The following RALGAPA2 variants were observed in gnomAD, a reference collection of about 807,000 sequenced individuals.
The protein encoded by RALGAPA2 is Ral GTPase activating protein catalytic subunit alpha 2, also known as ral GTPase-activating protein subunit alpha-2.
Under a neutral mutation model 230.4 loss-of-function variants are expected in RALGAPA2, and 139 were observed. That is an observed-to-expected ratio of 0.60 (90% CI 0.53 to 0.69). The LOEUF (loss-of-function observed/expected upper bound fraction) is 0.69. Ranked by LOEUF, RALGAPA2 falls within the 30% of genes least tolerant of loss-of-function variation. RALGAPA2 has a pLI of 0.00. For synonymous variants in RALGAPA2, 847 were observed against 837.8 expected (o/e 1.01, Z -0.19); for missense variants, 2,163 against 2,276.0 (o/e 0.95, Z 1.01).
At chr20:20,692,061 A>G (rs1388958856) in intron 1 of RALGAPA2, among the ~76,000 whole-genome samples, 17 of 152,116 alleles carry the variant, frequency 1.1e-4, no homozygotes, top group Admixed American at 1.1e-3. Context: ...GAAGCTTCCT[A>G]AGGCCCTCAA....
intron 1 of RALGAPA2, among the ~76,000 whole-genome samples, chr20:20,707,670 G>T (rs377006753): frequency 5.9e-5 from 9 of 152,112 alleles, no homozygotes; most frequent in African/African-American, 1.9e-4. Context: ...GCATTTGTGA[G>T]AGACGGTTCT....
intron 12 of RALGAPA2, among the ~76,000 whole-genome samples, chr20:20,618,944 C>G (rs2146335897): frequency 6.6e-6 from 1 of 152,180 alleles, no homozygotes; most frequent in South Asian, 2.1e-4. Flanking sequence ...AATTAGAGCC[C>G]AGATAACTTA....
chr20:20,608,692 G>A (rs535036206), intron 14 of RALGAPA2, among the ~76,000 whole-genome samples: 74 of 152,314 alleles, frequency 4.9e-4, no homozygotes, highest in African/African-American at 1.7e-3. Flanking sequence ...CCAAGATGAT[G>A]CCCAATAGAG....
Position 20,555,188 on chromosome 20 carries a change from C to T in RALGAPA2, c.3157-8356G>A, listed in dbSNP as rs560499251. Among the ~76,000 whole-genome samples the T allele has an allele frequency of 5.9e-5, 9 of 152,256 alleles. No homozygotes were observed. In the East Asian group the frequency reaches 9.7e-4, roughly 16 times the overall value. On this transcript the variant is annotated intron_variant, in intron 23 of 39. Transcript: ENST00000202677. The stretch of plus-strand genomic sequence containing the variant: ...ACCTGTTGAATTGACTATTCTTTTC[C>T]GACTGAATTGTCTTTGCACCCTTGT...
chr20:20,629,558 C>G lies in RALGAPA2; in HGVS notation c.1038G>C (p.Ala346=), dbSNP rs374451382. The G allele has an allele frequency of 6.2e-7, 1 of 1,613,608 alleles. No homozygotes were observed. The highest frequency in any genetic ancestry group is 1.1e-5 in the South Asian group (1 of 91,052). Residue 346 remains alanine, a synonymous_variant, in exon 10 of 40, where the codon GCG becomes GCC. Transcript: ENST00000202677. ...TGGGCCCACCACCATCCAGCTCAGG[C>G]GCTCTCTCCTGCACAGCACCACCAC... ...TVGGGAVQER[A]PELDGGGPTE... is the part of the protein sequence containing the mutation.
chr20:20,606,017 C>T (rs916311649), intron 14 of RALGAPA2, among the ~76,000 whole-genome samples: 1 of 152,084 alleles, frequency 6.6e-6, no homozygotes, highest in African/African-American at 2.4e-5. Context: ...CTCTTAACCA[C>T]CCCTCTCCTT....
chr20:20,504,848 A>G (rs999471438), intron 34 of RALGAPA2: 1 of 342,748 alleles, frequency 2.9e-6, no homozygotes, highest in African/African-American at 2.3e-5. Context: ...TTTTTTGGGG[A>G]AAGGTGTGTA....
At chr20:20,591,420 CA>C in intron 16 of RALGAPA2, 106 bp from the exon 17 acceptor site, 1 of 1,287,194 alleles carries the variant, frequency 7.8e-7, no homozygotes, top group Non-Finnish European at 1.1e-6. Context: ...ATGCTTTTCA[CA>C]AATAATTTAT....
At chr20:20,691,341 C>A (rs925180836) in intron 1 of RALGAPA2, among the ~76,000 whole-genome samples, 1 of 152,124 alleles carries the variant, frequency 6.6e-6, no homozygotes, top group Non-Finnish European at 1.5e-5. Context: ...TCCTTCAACC[C>A]CTCTGCCTCT....
chr20:20,570,622 C>T (rs868055859), intron 23 of RALGAPA2, among the ~76,000 whole-genome samples: 4 of 152,086 alleles, frequency 2.6e-5, no homozygotes, highest in Non-Finnish European at 2.9e-5. Flanking sequence ...CCAATGCTAC[C>T]GGCTTAGTTC....
chr20:20,503,913 G>T (rs1178973614), intron 34 of RALGAPA2, among the ~76,000 whole-genome samples: 1 of 152,082 alleles, frequency 6.6e-6, no homozygotes, highest in Non-Finnish European at 1.5e-5. Flanking sequence ...GGGTCAAAAG[G>T]TACCAATATT....
At chr20:20,550,255 C>T (rs1168088810) in intron 23 of RALGAPA2, among the ~76,000 whole-genome samples, 6 of 152,202 alleles carry the variant, frequency 3.9e-5, no homozygotes, top group South Asian at 2.1e-4. Flanking sequence ...TTTCCATTCC[C>T]GAGTTACTTC....
chr20:20,584,419 G>A (rs2065073240), intron 19 of RALGAPA2, among the ~76,000 whole-genome samples: 1 of 152,164 alleles, frequency 6.6e-6, no homozygotes, highest in African/African-American at 2.4e-5. Context: ...AGGTACGGGT[G>A]AGTAGAACTG....
chr20:20,456,200 T>C (rs2061114915), intron 37 of RALGAPA2, among the ~76,000 whole-genome samples: 1 of 152,244 alleles, frequency 6.6e-6, no homozygotes, highest in Non-Finnish European at 1.5e-5. Flanking sequence ...GAGTCTACTT[T>C]CCCCTAATTA....
intron 36 of RALGAPA2, among the ~76,000 whole-genome samples, chr20:20,484,690 A>G (rs2061862903): frequency 6.6e-6 from 1 of 152,230 alleles, no homozygotes; most frequent in African/African-American, 2.4e-5. Context: ...AATAATATAC[A>G]TAATAGATAT....
Position 20,629,535 on chromosome 20 carries a change from G to A in RALGAPA2, c.1061C>T (p.Pro354Leu). ...ERAPELDGGGPTEQDKSHSNS... is the reference protein window; with the variant it reads ...ERAPELDGGGLTEQDKSHSNS... ...AGAATGGCTTTTGTCCTGCTCCGTG[G>A]GCCCACCACCATCCAGCTCAGGCGC... The change falls in exon 10 of 40, where the codon CCC becomes CTC. Residue 354 changes from proline to leucine, a missense_variant. Pro to Leu is a moderately conservative substitution (Grantham distance 98, BLOSUM62 -3). Transcript: ENST00000202677. 1 of 1,613,788 alleles carries A rather than the reference G, an allele frequency of 6.2e-7. No homozygotes were observed. Among genetic ancestry groups the A allele is most frequent in the South Asian group, 1.1e-5 (1 of 91,054 alleles).
In RALGAPA2 at chr20:20,520,899, A is replaced by T; in HGVS notation, c.4084+18T>A. 2 of 1,538,194 alleles carry T rather than the reference A, an allele frequency of 1.3e-6. No homozygotes were observed. The highest frequency in any genetic ancestry group is 1.8e-6 in the Non-Finnish European group (2 of 1,128,266). On this transcript the variant is annotated intron_variant, in intron 31 of 39. Coordinates refer to ENST00000202677, the MANE Select transcript of RALGAPA2 (RefSeq NM_020343.4). Reference sequence around the variant, plus strand: ...CCTTTTCCTTCCCACAAGATTTCATACCTGAAAGAATACTCACCCTCTTCA... The same window carrying T: ...CCTTTTCCTTCCCACAAGATTTCATTCCTGAAAGAATACTCACCCTCTTCA...
chr20:20,401,902 G>C, intron 38 of RALGAPA2, among the ~76,000 whole-genome samples: 1 of 152,340 alleles, frequency 6.6e-6, no homozygotes, highest in East Asian at 1.9e-4. Flanking sequence ...CCGTGCCAAA[G>C]TGGCATGGTC....
At chr20:20,534,782 C>T (rs915545012) in intron 26 of RALGAPA2, among the ~76,000 whole-genome samples, 2 of 151,996 alleles carry the variant, frequency 1.3e-5, no homozygotes, top group African/African-American at 2.4e-5. Flanking sequence ...TATAATCAAA[C>T]CTGATAAGGG....
Sources: allele counts gnomAD v4.1 joint callset (sites outside exome capture counted in the v4.1 genomes callset), GRCh38; gene constraint gnomAD v4.1.1; transcripts MANE v1.5; gene names NCBI Gene and HGNC (gene_info 2026-07-23, HGNC 2026-07-21).